The following HHAT variants were observed in gnomAD, a reference collection of about 807,000 sequenced individuals.
HHAT encodes the protein protein-cysteine N-palmitoyltransferase HHAT.
Under a neutral mutation model 70.8 loss-of-function variants are expected in HHAT, and 47 were observed. That is an observed-to-expected ratio of 0.66 (90% CI 0.53 to 0.85). The LOEUF is 0.85. HHAT is among the 40% of genes least tolerant of loss of function. HHAT has a pLI of 0.00. For synonymous variants in HHAT, 228 were observed against 247.6 expected, an observed-to-expected ratio of 0.92 and a Z score of 0.74; for missense variants, 609 against 604.8, an observed-to-expected ratio of 1.01 and a Z score of -0.07.
intron 10 of HHAT, among the ~76,000 whole-genome samples, chr1:210,596,312 A>G (rs1417054915): frequency 2.6e-5 from 4 of 152,082 alleles, no homozygotes; most frequent in Non-Finnish European, 5.9e-5. Context: ...ATGTGGGTTA[A>G]ATCTATTTGA....
chr1:210,463,333 C>G (rs1463186615), intron 7 of HHAT, among the ~76,000 whole-genome samples: 1 of 152,122 alleles, frequency 6.6e-6, no homozygotes, highest in East Asian at 1.9e-4. Context: ...CCCTCTCTCC[C>G]CAAGAAACCA....
chr1:210,508,198 CA>C (rs10656040), intron 8 of HHAT, among the ~76,000 whole-genome samples: 1,138 of 89,414 alleles, frequency 0.013, 8 homozygotes, highest in South Asian at 0.06. Context: ...GACTCCTTCT[CA>C]AAAAAAAAAA....
intron 9 of HHAT, among the ~76,000 whole-genome samples, chr1:210,520,237 G>A (rs1055129486): frequency 1.1e-4 from 17 of 151,906 alleles, no homozygotes; most frequent in African/African-American, 3.9e-4. Context: ...GGCTGGTCTC[G>A]AACTCCTGAC....
At chr1:210,476,611 G>A (rs1319355342) in intron 8 of HHAT, among the ~76,000 whole-genome samples, 9 of 152,182 alleles carry the variant, frequency 5.9e-5, no homozygotes, top group Admixed American at 5.9e-4. Flanking sequence ...ACACTCTCTG[G>A]ACCCTTCTAA....
chr1:210,646,272 C>T (rs1019095227), intron 11 of HHAT, among the ~76,000 whole-genome samples: 2 of 152,192 alleles, frequency 1.3e-5, no homozygotes, highest in African/African-American at 4.8e-5. Flanking sequence ...TTTTTAAAAA[C>T]TCCTGAGAAT....
At chr1:210,585,375 G>C (rs954985219) in intron 9 of HHAT, among the ~76,000 whole-genome samples, 10 of 152,214 alleles carry the variant, frequency 6.6e-5, no homozygotes, top group African/African-American at 2.4e-4. Context: ...AAATTATTTG[G>C]GAACTGTTGT....
Position 210,669,011 on chromosome 1 carries a change from G to A in HHAT, c.1391-5277G>A, listed in dbSNP as rs1392535792. On this transcript the variant is annotated intron_variant, in intron 11 of 11. Transcript: ENST00000261458. ...GCTGGTTTCAAATGCCTGACCTCGT[G>A]ATCCACCCGCCTCGGCTTCCCAAAG... Among the ~76,000 whole-genome samples, 3 of 152,158 alleles carry A rather than the reference G, an allele frequency of 2.0e-5. No homozygotes were observed. The East Asian group carries it at 5.8e-4, about 29-fold the overall frequency.
intron 7 of HHAT, among the ~76,000 whole-genome samples, chr1:210,424,336 T>C (rs967494478): frequency 1.3e-5 from 2 of 152,194 alleles, no homozygotes; most frequent in Admixed American, 6.5e-5. Context: ...TGTTGGTGTA[T>C]AGAAATGATA....
intron 7 of HHAT, among the ~76,000 whole-genome samples, chr1:210,447,042 A>C (rs181710796): frequency 6.6e-6 from 1 of 152,062 alleles, no homozygotes; most frequent in African/African-American, 2.4e-5. Flanking sequence ...GTCAGGCTAA[A>C]CCCCTTTATA....
At chr1:210,526,565 A>G (rs1161564693) in intron 9 of HHAT, among the ~76,000 whole-genome samples, 1 of 152,022 alleles carries the variant, frequency 6.6e-6, no homozygotes, top group African/African-American at 2.4e-5. Context: ...AAGGCATTGG[A>G]TCAGATGCAG....
In HHAT at chr1:210,670,028, C is replaced by G. The variant is rs531341004; in HGVS notation, c.1391-4260C>G. On this transcript the variant is annotated intron_variant, in intron 11 of 11. Coordinates refer to ENST00000261458, the MANE Select transcript of HHAT (RefSeq NM_018194.6). Reference sequence around the variant, plus strand: ...TGCATGGGTGGGGGACAGTGGACTGCAGGGGGAGGAAGTCAGAGTTTGTCA... The same window carrying G: ...TGCATGGGTGGGGGACAGTGGACTGGAGGGGGAGGAAGTCAGAGTTTGTCA... Among the ~76,000 whole-genome samples, 6 of 151,762 alleles carry G rather than the reference C, an allele frequency of 4.0e-5. No homozygotes were observed. The South Asian group carries it at 1.3e-3, about 32-fold the overall frequency.
At chr1:210,609,074 C>G (rs116456049) in intron 10 of HHAT, among the ~76,000 whole-genome samples, 1,619 of 152,252 alleles carry the variant, frequency 0.011, 29 homozygotes, top group African/African-American at 0.036. Context: ...TGACCTCCAC[C>G]TGGTCTCTTC....
In HHAT at chr1:210,674,369, C is replaced by T. The variant is rs1194243455; in HGVS notation, c.1472C>T (p.Ala491Val). ...HVGIAWAQTY[A>V]TD ...GGCATTGCCTGGGCCCAGACCTACG[C>T]CACGGACTAATGCTGTTGGGCCCAG... Residue 491 changes from alanine (A) to valine (V), a missense_variant, in exon 12 of 12, where the codon GCC (alanine) becomes GTC (valine). Coordinates refer to ENST00000261458, the MANE Select transcript of HHAT (RefSeq NM_018194.6). 6.2e-7 allele frequency: 1 copy of T among 1,613,870 alleles called. No individual in the cohort carries two copies.
chr1:210,604,931 G>A (rs1019540618), intron 10 of HHAT, among the ~76,000 whole-genome samples: 1 of 152,068 alleles, frequency 6.6e-6, no homozygotes, highest in South Asian at 2.1e-4. Flanking sequence ...GCAGAAGATC[G>A]CTTGAGGCCA....
intron 5 of HHAT, among the ~76,000 whole-genome samples, chr1:210,402,366 G>A (rs1246006631): frequency 1.3e-5 from 2 of 152,120 alleles, no homozygotes; most frequent in Admixed American, 6.5e-5. Context: ...CCCAAACACT[G>A]CCCAACTGGC....
chr1:210,648,937 T>C (rs989217312), intron 11 of HHAT, among the ~76,000 whole-genome samples: 2 of 152,358 alleles, frequency 1.3e-5, no homozygotes, highest in African/African-American at 4.8e-5. Context: ...ACACCAGGAT[T>C]GAGCCTTTTA....
At chr1:210,553,099 C>G (rs942017064) in intron 9 of HHAT, among the ~76,000 whole-genome samples, 1 of 152,184 alleles carries the variant, frequency 6.6e-6, no homozygotes, top group Non-Finnish European at 1.5e-5. Flanking sequence ...TTCTTGATGT[C>G]ATTCCAACCC....
At chr1:210,398,528 C>T (rs1164607989) in intron 4 of HHAT, among the ~76,000 whole-genome samples, 1 of 152,166 alleles carries the variant, frequency 6.6e-6, no homozygotes, top group African/African-American at 2.4e-5. Context: ...GTTTACACAG[C>T]ACTATCAAGT....
At chr1:210,517,930 T>C (rs1303938395) in intron 9 of HHAT, among the ~76,000 whole-genome samples, 2 of 152,146 alleles carry the variant, frequency 1.3e-5, no homozygotes, top group African/African-American at 4.8e-5. Context: ...TTCAGCAGGA[T>C]AACATCATGA....
Sources: allele counts gnomAD v4.1 joint callset (sites outside exome capture counted in the v4.1 genomes callset), GRCh38; gene constraint gnomAD v4.1.1; transcripts MANE v1.5; gene names NCBI Gene and HGNC (gene_info 2026-07-23, HGNC 2026-07-21).